FOXO3: variants seen among roughly 807,000 people sequenced by gnomAD.
FOXO3 encodes the protein forkhead box O3.
FOXO3 carries 4 observed loss-of-function variants against 41.9 expected under a neutral mutation model. The observed-to-expected ratio is 0.10, with a 90% CI of 0.05 to 0.22. The LOEUF (loss-of-function observed/expected upper bound fraction) is 0.22, where lower values mean the gene tolerates loss of function less well. Ranked by LOEUF, FOXO3 falls within the 10% of genes least tolerant of loss-of-function variation. The pLI is 1.00. For synonymous variants in FOXO3, 318 were observed against 389.3 expected (o/e 0.82, Z 2.16); for missense variants, 534 against 906.8 (o/e 0.59, Z 5.28).
At chr6:108,578,257 C>G (rs1776316735) in intron 1 of FOXO3, among the ~76,000 whole-genome samples, 1 of 152,170 alleles carries the variant, frequency 6.6e-6, no homozygotes, top group Middle Eastern at 3.2e-3. Context: ...AACAAGCCCT[C>G]CAGGTGATTC....
At chr6:108,626,076 T>A (rs1390907884) in intron 1 of FOXO3, among the ~76,000 whole-genome samples, 2 of 152,224 alleles carry the variant, frequency 1.3e-5, no homozygotes, top group Non-Finnish European at 2.9e-5. Context: ...CTATTTAGTG[T>A]AGAAGCATAC....
chr6:108,593,022 T>C (rs1472578582), intron 1 of FOXO3, among the ~76,000 whole-genome samples: 1 of 152,228 alleles, frequency 6.6e-6, no homozygotes, highest in Non-Finnish European at 1.5e-5. Flanking sequence ...TTTGAACATC[T>C]AGATGTTGGG....
At position 108,656,494 on chromosome 6, in the gene FOXO3, C is replaced by T. The variant is rs73763157; in HGVS notation, c.622-6961C>T. ...TTTGAAATCCTTTCCTGGAAGGGGC[C>T]GCCCTGGAACCTTTTGGCTTAAAGT... On this transcript the variant is annotated intron_variant, in intron 1 of 2. Transcript: ENST00000406360. The T allele has an allele frequency of 2.9e-3, 2,893 of 985,284 alleles. 69 individuals carry two copies. In the African/African-American group the frequency reaches 0.046, roughly 16 times the overall value. The allele number at this position is 985,284 out of a possible 1,614,324, so 61.0% of individuals were successfully genotyped here.
At chr6:108,585,142 C>T (rs1370184768) in intron 1 of FOXO3, among the ~76,000 whole-genome samples, 3 of 142,334 alleles carry the variant, frequency 2.1e-5, no homozygotes, top group Non-Finnish European at 4.5e-5. Context: ...CCTGGGTTCA[C>T]GCCATTCTCC....
intron 1 of FOXO3, among the ~76,000 whole-genome samples, chr6:108,580,272 T>G (rs1334519696): frequency 7.9e-6 from 1 of 126,476 alleles, no homozygotes; most frequent in African/African-American, 2.9e-5. Flanking sequence ...CACCACAACC[T>G]CTGCCTCCTG....
chr6:108,562,760 G>A (rs1180939699), intron 1 of FOXO3, among the ~76,000 whole-genome samples: 1 of 152,196 alleles, frequency 6.6e-6, no homozygotes, highest in Middle Eastern at 3.2e-3. Flanking sequence ...GGGACACGTG[G>A]TAGGGAGAGA....
At chr6:108,613,882 G>A (rs1777425792) in intron 1 of FOXO3, among the ~76,000 whole-genome samples, 1 of 152,008 alleles carries the variant, frequency 6.6e-6, no homozygotes, top group Non-Finnish European at 1.5e-5. Context: ...TACATTCCTT[G>A]CTACAACTGC....
At position 108,618,364 on chromosome 6, in the gene FOXO3, C is replaced by G. The variant is rs922808060; in HGVS notation, c.622-45091C>G. ...ACACTGAACGAGCACATGAGCAGCACCAGGAGCCACAGAAGAAGGAGGCAG... is the reference window on the plus strand; with the variant it reads ...ACACTGAACGAGCACATGAGCAGCAGCAGGAGCCACAGAAGAAGGAGGCAG... On this transcript the variant is annotated intron_variant, in intron 1 of 2. Transcript: ENST00000406360. The G allele has an allele frequency of 1.3e-5, 7 of 541,168 alleles. No homozygotes were observed. In the African/African-American group the frequency reaches 1.3e-4, roughly 10 times the overall value. 33.5% of individuals were successfully genotyped at this position (541,168 alleles called of 1,614,324 possible).
chr6:108,644,076 G>A (rs1778332277), intron 1 of FOXO3, among the ~76,000 whole-genome samples: 1 of 152,152 alleles, frequency 6.6e-6, no homozygotes. Flanking sequence ...TGAGGGTCAG[G>A]ACAATGCCAG....
chr6:108,577,690 A>G (rs1474012950), intron 1 of FOXO3, among the ~76,000 whole-genome samples: 3 of 152,144 alleles, frequency 2.0e-5, no homozygotes, highest in Admixed American at 2.0e-4. Context: ...GAGTGCCTCT[A>G]TTTTAGAGAC....
intron 1 of FOXO3, among the ~76,000 whole-genome samples, chr6:108,630,635 G>T (rs370709679): frequency 1.3e-5 from 2 of 152,160 alleles, no homozygotes; most frequent in East Asian, 3.9e-4. Context: ...TTGTGAGGAG[G>T]CCTGTCCTTG....
intron 1 of FOXO3, among the ~76,000 whole-genome samples, chr6:108,591,220 G>A (rs1323818616): frequency 3.3e-5 from 5 of 152,182 alleles, no homozygotes; most frequent in Non-Finnish European, 7.3e-5. Flanking sequence ...ATGGTCCACT[G>A]ACATTGAGAA....
In FOXO3 at chr6:108,643,312, G is replaced by A. The variant is rs78649037; in HGVS notation, c.622-20143G>A. On this transcript the variant is annotated intron_variant, in intron 1 of 2. Transcript: ENST00000406360. ...TCAGACTTTAGTGCAAATTAAAACT[G>A]GCTGGAGGCAGAAGGGACAGGAAAG... is the stretch of plus-strand genomic sequence containing the variant. Among the ~76,000 whole-genome samples, 720 of 152,278 alleles carry A rather than the reference G, an allele frequency of 4.7e-3. 3 individuals carry two copies. The highest frequency in any genetic ancestry group is 0.017 in the African/African-American group (687 of 41,552).
rs540352230 is a variant in FOXO3, at chr6:108,562,850, G to A, written c.621+1021G>A. ...TTAACTCCTCTGCCCCTGCTGGGCT[G>A]CTGATATCCAGCTGCTTTCCTCTTC... is the stretch of plus-strand genomic sequence containing the variant. On this transcript the variant is annotated intron_variant, in intron 1 of 2. Coordinates refer to ENST00000406360, the MANE Select transcript of FOXO3 (RefSeq NM_001455.4). Among the ~76,000 whole-genome samples the A allele has an allele frequency of 9.2e-5, 14 of 152,310 alleles. No individual in the cohort carries two copies. In the East Asian group the frequency reaches 2.7e-3, roughly 29 times the overall value.
chr6:108,605,123 C>CTT (rs71714857), intron 1 of FOXO3, among the ~76,000 whole-genome samples: 75 of 151,462 alleles, frequency 5.0e-4, no homozygotes, highest in Admixed American at 2.3e-3. Flanking sequence ...ACTAACTTTT[C>CTT]TTTTTTTTTC....
intron 2 of FOXO3, among the ~76,000 whole-genome samples, chr6:108,668,943 C>T (rs951627625): frequency 2.0e-5 from 3 of 152,030 alleles, no homozygotes; most frequent in Non-Finnish European, 4.4e-5. Flanking sequence ...AACCCCGTCT[C>T]TACTAAAAAT....
chr6:108,664,963 TCTTTA>T, intron 2 of FOXO3, 74 bp downstream of exon 2: 1 of 1,423,890 alleles, frequency 7.0e-7, no homozygotes, highest in Non-Finnish European at 9.5e-7. Context: ...GCCTGTCTTC[TCTTTA>T]CTTTGAACTT....
chr6:108,591,537 C>G (rs1262649398), intron 1 of FOXO3, among the ~76,000 whole-genome samples: 2 of 152,186 alleles, frequency 1.3e-5, no homozygotes, highest in Non-Finnish European at 2.9e-5. Flanking sequence ...CCAAATTAAA[C>G]TGAAGTCCTA....
At chr6:108,625,763 C>T (rs1207332094) in intron 1 of FOXO3, among the ~76,000 whole-genome samples, 1 of 152,138 alleles carries the variant, frequency 6.6e-6, no homozygotes, top group Admixed American at 6.5e-5. Flanking sequence ...AGTGAGCCAA[C>T]AACTTTGCCA....
Sources: gnomAD v4.1 joint callset for allele counts (sites outside exome capture counted in the v4.1 genomes callset) on GRCh38, gnomAD v4.1.1 for gene constraint, MANE v1.5 for transcripts, NCBI Gene and HGNC (gene_info 2026-07-23, HGNC 2026-07-21) for gene names.